Variants in PDE10A observed in about 807,000 individuals in gnomAD.
PDE10A encodes phosphodiesterase 10A.
A neutral mutation model predicts 97.7 loss-of-function variants in PDE10A; 39 were observed. The ratio of observed to expected loss-of-function variants is 0.40; its 90% confidence interval spans 0.31 to 0.52. PDE10A has a LOEUF of 0.52. Ranked by LOEUF, PDE10A falls within the 20% of genes least tolerant of loss-of-function variation. PDE10A has a pLI of 0.56. For synonymous variants in PDE10A, 371 were observed against 376.8 expected, an observed-to-expected ratio of 0.98 and a Z score of 0.18; for missense variants, 731 against 1,047.8, an observed-to-expected ratio of 0.70 and a Z score of 4.17.
rs188508591 is a variant in PDE10A, at chr6:165,917,579, G to A, written c.-615+69950C>T. ...GGGAAAAGACGTTGGCCTCTACAAG[G>A]GCAGATCAGCATGCTATCTAGCTTC... On this transcript the variant is annotated intron_variant, in intron 1 of 19. Transcript: ENST00000366882. Among the ~76,000 whole-genome samples, 3 of 152,298 alleles carry A rather than the reference G, an allele frequency of 2.0e-5. No individual in the cohort carries two copies. In the East Asian group the frequency reaches 5.8e-4, roughly 29 times the overall value.
At position 165,657,615 on chromosome 6, in the gene PDE10A, T is replaced by C. The variant is rs1204066106; in HGVS notation, c.865+4332A>G. On this transcript the variant is annotated intron_variant, in intron 1 of 21. Coordinates refer to ENST00000539869, the MANE Select transcript of PDE10A (RefSeq NM_001385079.1). Reference sequence around the variant, plus strand: ...TTTTTCCCTATTGGAGTGGAAAAAGTTTTACATGCAGAAATGATCTAAGAC... The same window carrying C: ...TTTTTCCCTATTGGAGTGGAAAAAGCTTTACATGCAGAAATGATCTAAGAC... 2.0e-5 allele frequency among the ~76,000 whole-genome samples: 3 copies of C among 152,186 alleles called. No homozygotes were observed. The East Asian group carries it at 5.8e-4, about 29-fold the overall frequency.
chr6:165,702,832 A>G (rs1791613956), intron 1 of PDE10A, among the ~76,000 whole-genome samples: 1 of 152,170 alleles, frequency 6.6e-6, no homozygotes, highest in Non-Finnish European at 1.5e-5. Context: ...AATCTGCACT[A>G]GAACCACGTG....
intron 1 of PDE10A, among the ~76,000 whole-genome samples, chr6:165,701,701 A>T (rs1300066842): frequency 6.7e-6 from 1 of 149,354 alleles, no homozygotes; most frequent in Non-Finnish European, 1.5e-5. Context: ...GTGTGTTTGC[A>T]TGTGTGCATG....
At chr6:165,396,009 C>A (rs909139225) in intron 14 of PDE10A, among the ~76,000 whole-genome samples, 2 of 152,042 alleles carry the variant, frequency 1.3e-5, no homozygotes, top group Admixed American at 1.3e-4. Context: ...CTGTTAAATG[C>A]CATTTTGAGT....
intron 1 of PDE10A, among the ~76,000 whole-genome samples, chr6:165,824,300 A>C (rs542985027): frequency 5.1e-4 from 78 of 152,392 alleles, no homozygotes; most frequent in African/African-American, 1.7e-3. Flanking sequence ...TTTGATAAAG[A>C]AGAAACAAAA....
chr6:165,448,659 T>C (rs959525319), intron 5 of PDE10A, among the ~76,000 whole-genome samples: 20 of 151,670 alleles, frequency 1.3e-4, no homozygotes, highest in African/African-American at 4.8e-4. Flanking sequence ...CAACACTAAA[T>C]CTAGAAATGC....
chr6:165,664,450 C>A (rs1790444892), upstream of PDE10A, among the ~76,000 whole-genome samples: 1 of 152,158 alleles, frequency 6.6e-6, no homozygotes, highest in Non-Finnish European at 1.5e-5. Context: ...CAGTAAAGTC[C>A]ACAGACGTCT....
rs147274175 is a variant in PDE10A, at chr6:165,737,018, A to G, written c.-614-193450T>C. 3.8e-3 allele frequency among the ~76,000 whole-genome samples: 581 copies of G among 152,334 alleles called. 2 individuals are homozygous for G. Among genetic ancestry groups the G allele is most frequent in the South Asian group, 7.5e-3 (36 of 4,828 alleles). On this transcript the variant is annotated intron_variant, in intron 1 of 19. Coordinates refer to the PDE10A transcript ENST00000366882. Reference sequence around the variant, plus strand: ...AAGGATCGTAAAAACTACTATTAAAATTATATGTCAATAAATGGCATAACC... The same window carrying G: ...AAGGATCGTAAAAACTACTATTAAAGTTATATGTCAATAAATGGCATAACC...
chr6:165,590,744 AG>A (rs1236749576), intron 1 of PDE10A, among the ~76,000 whole-genome samples: 3 of 152,284 alleles, frequency 2.0e-5, no homozygotes, highest in Non-Finnish European at 4.4e-5. Context: ...ACAAAAAATA[AG>A]CCGGGCATGG....
chr6:165,428,756 A>C (rs752164095), intron 9 of PDE10A, 47 bp from the exon 10 acceptor site: 1 of 720,900 alleles, frequency 1.4e-6, no homozygotes, highest in South Asian at 1.7e-5. Context: ...ATTAGTTCAC[A>C]GTACATATTA....
chr6:165,987,881 C>T (rs576217990), exon 1 of PDE10A: 1 of 375,678 alleles, frequency 2.7e-6, no homozygotes, highest in African/African-American at 2.1e-5. Flanking sequence ...CCTTGGGCGC[C>T]CATGAAGACC....
At chr6:165,649,268 G>A (rs1274503942) in intron 1 of PDE10A, among the ~76,000 whole-genome samples, 1 of 152,092 alleles carries the variant, frequency 6.6e-6, no homozygotes, top group Non-Finnish European at 1.5e-5. Context: ...CGGACTAGAA[G>A]GAAATAATAT....
At chr6:165,609,296 C>T (rs1787378070) in intron 1 of PDE10A, among the ~76,000 whole-genome samples, 1 of 152,154 alleles carries the variant, frequency 6.6e-6, no homozygotes, top group Admixed American at 6.5e-5. Flanking sequence ...AGGCCTTTGA[C>T]AAAATTCAAC....
rs220740 is a variant in PDE10A at position 165,418,739 on chromosome 6, C to G, written c.1692G>C (p.Ala564=). Residue 564 remains alanine, a synonymous_variant, in exon 11 of 22, where the codon GCG becomes GCC. Transcript: ENST00000539869. The surrounding 1 kb of genome is among the most constrained non-coding windows in gnomAD (Gnocchi z 4.8). ...TGTTCTTATGGTCCACCTGGAAAAG[C>G]GCACAACGATCGGCATTCACCAGGT... ...AKNLVNADRC[A]LFQVDHKNKE... 3.7e-6 allele frequency: 6 copies of G among 1,613,138 alleles called. No homozygotes were observed. The Admixed American group carries it at 6.7e-5, about 18-fold the overall frequency.
chr6:165,534,153 C>G (rs1227231004), intron 2 of PDE10A, among the ~76,000 whole-genome samples: 4 of 151,186 alleles, frequency 2.6e-5, no homozygotes, highest in Non-Finnish European at 5.9e-5. Flanking sequence ...TTAGAGACTG[C>G]TATGAACAAA....
chr6:165,341,569 A>G (rs1781972946), intron 19 of PDE10A, among the ~76,000 whole-genome samples: 1 of 152,174 alleles, frequency 6.6e-6, no homozygotes, highest in Non-Finnish European at 1.5e-5. Flanking sequence ...TGATGGCTTC[A>G]TGAATTTCCT....
At chr6:165,673,024 G>T (rs983126172) in intron 1 of PDE10A, among the ~76,000 whole-genome samples, 3 of 152,130 alleles carry the variant, frequency 2.0e-5, no homozygotes, top group African/African-American at 7.2e-5. Flanking sequence ...AATTAAATAA[G>T]GTAACAGCAG....
chr6:165,697,401 T>C (rs1791466769), intron 1 of PDE10A, among the ~76,000 whole-genome samples: 1 of 152,170 alleles, frequency 6.6e-6, no homozygotes, highest in African/African-American at 2.4e-5. Flanking sequence ...AGCAAAGCTG[T>C]AATAAAAAAC....
intron 2 of PDE10A, among the ~76,000 whole-genome samples, chr6:165,527,909 C>T (rs1782546340): frequency 1.3e-5 from 2 of 152,142 alleles, no homozygotes; most frequent in African/African-American, 2.4e-5. Context: ...TGGTTCTGCA[C>T]GATATGCAGG....
Sources: allele counts gnomAD v4.1 joint callset (sites outside exome capture counted in the v4.1 genomes callset), GRCh38; gene constraint gnomAD v4.1.1; non-coding constraint Gnocchi (gnomAD v3.1); transcripts MANE v1.5; gene names NCBI Gene and HGNC (gene_info 2026-07-23, HGNC 2026-07-21).